DLG2: variants seen among roughly 807,000 people sequenced by gnomAD.
DLG2 encodes the protein discs large MAGUK scaffold protein 2, also known as disks large homolog 2.
Under a neutral mutation model 132.5 loss-of-function variants are expected in DLG2, and 45 were observed. The observed-to-expected ratio is 0.34, with a 90% confidence interval of 0.27 to 0.44. The LOEUF is 0.44. Ranked by LOEUF, DLG2 falls within the 20% of genes least tolerant of loss-of-function variation. The pLI is 1.00. For missense variants in DLG2, 1,045 were observed against 1,196.9 expected (o/e 0.87, Z 1.87); for synonymous variants, 424 against 419.6 (o/e 1.01, Z -0.13).
intron 16 of DLG2, among the ~76,000 whole-genome samples, chr11:83,849,971 A>G (rs1290343707): frequency 6.6e-6 from 1 of 152,132 alleles, no homozygotes; most frequent in Non-Finnish European, 1.5e-5. Context: ...GTTTCAAGGT[A>G]AATACACTTC....
At chr11:84,595,260 A>G (rs1208755801) in intron 6 of DLG2, among the ~76,000 whole-genome samples, 5 of 152,060 alleles carry the variant, frequency 3.3e-5, no homozygotes, top group Non-Finnish European at 7.4e-5. Context: ...GCGTGCCACC[A>G]TGCTGGGCTA....
intron 6 of DLG2, among the ~76,000 whole-genome samples, chr11:84,957,704 C>G (rs879636010): frequency 6.6e-6 from 1 of 152,176 alleles, no homozygotes; most frequent in Non-Finnish European, 1.5e-5. Context: ...AGCACCAGGA[C>G]TGGCAGAAAA....
intron 4 of DLG2, among the ~76,000 whole-genome samples, chr11:85,158,067 T>A (rs1474309856): frequency 6.6e-6 from 1 of 152,078 alleles, no homozygotes; most frequent in Non-Finnish European, 1.5e-5. Flanking sequence ...GACTTATAAC[T>A]AGGCTGACCT....
chr11:83,867,203 G>A (rs950751214), intron 16 of DLG2, among the ~76,000 whole-genome samples: 1 of 152,088 alleles, frequency 6.6e-6, no homozygotes, highest in Non-Finnish European at 1.5e-5. Flanking sequence ...AGGTAGGAAA[G>A]GGTAGTGACT....
chr11:84,504,081 T>C (rs2099230956), intron 7 of DLG2, among the ~76,000 whole-genome samples: 1 of 152,238 alleles, frequency 6.6e-6, no homozygotes, highest in African/African-American at 2.4e-5. Context: ...TACCATTTGC[T>C]GAGCAATTAC....
At chr11:83,789,084 C>G (rs925006077) in intron 17 of DLG2, among the ~76,000 whole-genome samples, 1 of 152,102 alleles carries the variant, frequency 6.6e-6, no homozygotes, top group African/African-American at 2.4e-5. Flanking sequence ...CTTCTCACAA[C>G]CAATAAAATT....
At chr11:83,465,820 T>A (rs1478546826) in intron 26 of DLG2, among the ~76,000 whole-genome samples, 1 of 152,198 alleles carries the variant, frequency 6.6e-6, no homozygotes, top group African/African-American at 2.4e-5. Context: ...GTCAAGCAAT[T>A]TGCCCAAGGT....
chr11:85,468,219 T>C lies in DLG2; in HGVS notation c.40+130438A>G, dbSNP rs562193152. Among the ~76,000 whole-genome samples, 3 of 152,184 alleles carry C rather than the reference T, an allele frequency of 2.0e-5. No individual in the cohort carries two copies. The South Asian group carries it at 6.2e-4, about 31-fold the overall frequency. On this transcript the variant is annotated intron_variant, in intron 3 of 27. Transcript: ENST00000376104. ...TTCTCTCCTTTCTTCTTTATTAGTC[T>C]TGCTAGCAGGCTATCAATTTTGTTG... is the stretch of plus-strand genomic sequence containing the variant.
chr11:84,572,601 G>A (rs1051952952), intron 6 of DLG2, among the ~76,000 whole-genome samples: 1 of 152,090 alleles, frequency 6.6e-6, no homozygotes, highest in Non-Finnish European at 1.5e-5. Flanking sequence ...TAGAACACAG[G>A]GAGAGGCAAA....
At chr11:84,366,051 A>G (rs1345263602) in intron 7 of DLG2, among the ~76,000 whole-genome samples, 5 of 152,202 alleles carry the variant, frequency 3.3e-5, no homozygotes, top group Admixed American at 1.3e-4. Flanking sequence ...AAATGTGAAG[A>G]GCAGCCAGAG....
At chr11:85,601,979 G>A (rs2080196281) in intron 2 of DLG2, among the ~76,000 whole-genome samples, 1 of 152,112 alleles carries the variant, frequency 6.6e-6, no homozygotes, top group South Asian at 2.1e-4. Context: ...ATGTATATCT[G>A]TAGCTCAGAA....
At chr11:85,384,322 T>A (rs2086145125) in intron 3 of DLG2, among the ~76,000 whole-genome samples, 1 of 152,200 alleles carries the variant, frequency 6.6e-6, no homozygotes, top group South Asian at 2.1e-4. Flanking sequence ...GTGGCAACTT[T>A]GTTTCCCAGA....
Position 83,867,374 on chromosome 11 carries a change from T to C in DLG2, c.1565+7046A>G, listed in dbSNP as rs540238201. 4.6e-5 allele frequency among the ~76,000 whole-genome samples: 7 copies of C among 152,312 alleles called. No individual in the cohort carries two copies. In the South Asian group the frequency reaches 6.2e-4, roughly 14 times the overall value. ...TATCAGTTACTATTAAATTAAAATA[T>C]ACAATATTTAATGTTATATTTTTAG... On this transcript the variant is annotated intron_variant, in intron 16 of 27. Transcript: ENST00000376104.
intron 8 of DLG2, among the ~76,000 whole-genome samples, chr11:84,201,429 A>G (rs2096591540): frequency 6.6e-6 from 1 of 152,146 alleles, no homozygotes; most frequent in African/African-American, 2.4e-5. Context: ...TATCTCTGCC[A>G]CATTTTGGTA....
intron 3 of DLG2, among the ~76,000 whole-genome samples, chr11:85,533,380 A>G (rs1414834114): frequency 2.0e-5 from 3 of 151,086 alleles, no homozygotes; most frequent in Non-Finnish European, 4.4e-5. Context: ...CTTTGGTTTT[A>G]CTTGCTTTTT....
intron 3 of DLG2, among the ~76,000 whole-genome samples, chr11:85,428,756 A>G (rs773780851): frequency 2.6e-4 from 39 of 152,354 alleles, no homozygotes; most frequent in Non-Finnish European, 4.7e-4. Context: ...AAGCTAGCAG[A>G]AGGCAAGAAA....
intron 15 of DLG2, among the ~76,000 whole-genome samples, chr11:83,912,150 G>GT (rs1314652823): frequency 7.3e-5 from 8 of 109,688 alleles, no homozygotes; most frequent in African/African-American, 2.5e-4. Context: ...AAATAAAAAT[G>GT]TCATCAAAAT....
At position 84,999,688 on chromosome 11, in the gene DLG2, T is replaced by C. The variant is rs144680445; in HGVS notation, c.357+111973A>G. Among the ~76,000 whole-genome samples, 1,428 of 152,258 alleles carry C rather than the reference T, an allele frequency of 9.4e-3. 7 individuals carry two copies. The highest frequency in any genetic ancestry group is 0.016 in the Non-Finnish European group (1,060 of 68,006). On this transcript the variant is annotated intron_variant, in intron 6 of 27. Transcript: ENST00000376104. ...CTGAGTGATTGGTTAATGAAAGAGG[T>C]GGAGCCTTTATATTATGAAATGTTC...
chr11:84,075,890 G>A (rs995249466), intron 10 of DLG2, among the ~76,000 whole-genome samples: 7 of 152,076 alleles, frequency 4.6e-5, no homozygotes, highest in African/African-American at 9.7e-5. Flanking sequence ...AACCAGAGCC[G>A]GAACTCCCTG....
Sources: gnomAD v4.1 joint callset for allele counts (sites outside exome capture counted in the v4.1 genomes callset) on GRCh38, gnomAD v4.1.1 for gene constraint, MANE v1.5 for transcripts, NCBI Gene and HGNC (gene_info 2026-07-23, HGNC 2026-07-21) for gene names.